HELZ: variants seen among roughly 807,000 people sequenced by gnomAD.
HELZ encodes the protein helicase with zinc finger.
A neutral mutation model predicts 218.2 loss-of-function variants in HELZ; 23 were observed. The ratio of observed to expected loss-of-function variants is 0.11; its 90% CI spans 0.08 to 0.15. HELZ has a LOEUF of 0.15. HELZ is among the 10% of genes least tolerant of loss of function. HELZ has a pLI of 1.00. For missense variants in HELZ, 1,813 were observed against 2,353.7 expected (o/e 0.77, Z 4.75); for synonymous variants, 814 against 829.4 (o/e 0.98, Z 0.32).
chr17:67,131,330 C>T lies in HELZ; in HGVS notation c.3183-2475G>A, dbSNP rs559443131. On this transcript the variant is annotated intron_variant, in intron 23 of 32. Transcript: ENST00000358691. ...CTATATCACCCTCACTGACCTTGAC[C>T]GCAATGAACAGAATTTGAAGTAACA... Among the ~76,000 whole-genome samples, 284 of 152,178 alleles carry T rather than the reference C, an allele frequency of 1.9e-3. 2 individuals are homozygous for T. The highest frequency in any genetic ancestry group is 6.6e-3 in the African/African-American group (275 of 41,514).
intron 24 of HELZ, among the ~76,000 whole-genome samples, 159 bp from the exon 25 acceptor site, chr17:67,124,173 A>C (rs992956047): frequency 1.3e-5 from 2 of 152,124 alleles, no homozygotes; most frequent in African/African-American, 4.8e-5. Flanking sequence ...CTTTGAGCCA[A>C]TTTTCTTTTT....
intron 17 of HELZ, among the ~76,000 whole-genome samples, chr17:67,153,692 C>G (rs1217899574): frequency 6.6e-6 from 1 of 152,204 alleles, no homozygotes; most frequent in African/African-American, 2.4e-5. Flanking sequence ...CCTTCACCCA[C>G]AGCAAAGCTG....
At chr17:67,159,208 T>C (rs893652614) in intron 17 of HELZ, among the ~76,000 whole-genome samples, 3 of 152,210 alleles carry the variant, frequency 2.0e-5, no homozygotes, top group Non-Finnish European at 2.9e-5. Context: ...GTGATAGTGA[T>C]TGTATATATG....
chr17:67,103,712 GCTGGCTTTTTTT>G (rs1011134058), intron 31 of HELZ, among the ~76,000 whole-genome samples: 1 of 152,108 alleles, frequency 6.6e-6, no homozygotes, highest in Non-Finnish European at 1.5e-5. Flanking sequence ...TTAAATGTCA[GCTGGCTTTTTTT>G]CTGAAGAAAT....
At chr17:67,149,731 T>C (rs1401660962) in intron 19 of HELZ, 136 bp downstream of exon 19, 2 of 472,538 alleles carry the variant, frequency 4.2e-6, no homozygotes, top group Non-Finnish European at 7.5e-6. Flanking sequence ...TATTTTTCAC[T>C]ATTAGTACAG....
At chr17:67,203,814 C>T (rs575414925) in intron 5 of HELZ, among the ~76,000 whole-genome samples, 2 of 152,220 alleles carry the variant, frequency 1.3e-5, no homozygotes, top group African/African-American at 4.8e-5. Flanking sequence ...GACTGGGTGC[C>T]ATTAAAATGA....
At chr17:67,189,797 A>C in intron 10 of HELZ, 101 bp from the exon 11 acceptor site, 1 of 773,330 alleles carries the variant, frequency 1.3e-6, no homozygotes, top group Admixed American at 2.1e-5. Context: ...ATGATGATGG[A>C]ACTGTTTACA....
chr17:67,138,333 A>T (rs181058702), intron 21 of HELZ, among the ~76,000 whole-genome samples: 29 of 152,326 alleles, frequency 1.9e-4, no homozygotes, highest in Middle Eastern at 3.4e-3. Flanking sequence ...TTCTCCAATA[A>T]TACAACCAGT....
chr17:67,240,971 C>T (rs1475743712), intron 2 of HELZ, among the ~76,000 whole-genome samples: 4 of 152,112 alleles, frequency 2.6e-5, no homozygotes, highest in Non-Finnish European at 5.9e-5. Flanking sequence ...GAGGAATATT[C>T]ACTTCTAACA....
rs956032405 is a variant in HELZ, at chr17:67,109,404, C to T, written c.4201G>A (p.Val1401Ile). 3.1e-6 allele frequency: 5 copies of T among 1,614,132 alleles called. No homozygotes were observed. The highest frequency in any genetic ancestry group is 2.2e-5 in the East Asian group (1 of 44,880). Residue 1401 changes from valine to isoleucine, a missense_variant, in exon 29 of 33, where the codon GTA (valine) becomes ATA (isoleucine). This residue lies in a region of HELZ where 938 missense variants were observed against 1,027.5 expected (regional missense o/e 0.91). Transcript: ENST00000358691. ...PNQIPPQPNQ[V>I]VQQQSQLNQQ... ...TTCAACTGACTTTGCTGCTGGACTA[C>T]CTGATTTGGCTGAGGTGGTATCTGA...
intron 3 of HELZ, among the ~76,000 whole-genome samples, chr17:67,234,653 G>T (rs916154152): frequency 1.3e-5 from 2 of 151,652 alleles, no homozygotes; most frequent in African/African-American, 4.8e-5. Context: ...GGGGAACATA[G>T]CAAGACCCCT....
chr17:67,100,802 G>T (rs902189931), intron 31 of HELZ, among the ~76,000 whole-genome samples: 1 of 152,082 alleles, frequency 6.6e-6, no homozygotes. Context: ...GAGAGAGAGA[G>T]AAAGAAAGAA....
chr17:67,205,649 A>G (rs967700148), intron 5 of HELZ, among the ~76,000 whole-genome samples: 4 of 152,204 alleles, frequency 2.6e-5, no homozygotes, highest in African/African-American at 7.2e-5. Flanking sequence ...GGAATGAAAA[A>G]GTCTAAGAGT....
chr17:67,189,549 A>G, intron 11 of HELZ, 40 bp downstream of exon 11: 1 of 1,323,292 alleles, frequency 7.6e-7, no homozygotes, highest in Non-Finnish European at 1.1e-6. Context: ...TCAGAAAATT[A>G]AACACAACTT....
chr17:67,222,634 C>T (rs2040777525), intron 3 of HELZ, among the ~76,000 whole-genome samples: 1 of 152,126 alleles, frequency 6.6e-6, no homozygotes, highest in Admixed American at 6.5e-5. Context: ...ACGCATGCTC[C>T]GTTCAGCTGT....
At chr17:67,239,347 C>G (rs1028810230) in intron 3 of HELZ, 86 bp downstream of exon 3, 1 of 152,340 alleles carries the variant, frequency 6.6e-6, no homozygotes, top group East Asian at 1.9e-4. Context: ...CACTACAGCC[C>G]TGTATCACTT....
chr17:67,194,950 C>T (rs778619789), intron 8 of HELZ, among the ~76,000 whole-genome samples: 2 of 152,130 alleles, frequency 1.3e-5, no homozygotes, highest in Non-Finnish European at 2.9e-5. Flanking sequence ...AAAGCCAATG[C>T]CCATAGTACA....
Position 67,075,015 on chromosome 17 carries a change from C to T in HELZ, c.*3237G>A, listed in dbSNP as rs962668997. 5 of 152,114 alleles carry T rather than the reference C, an allele frequency of 3.3e-5. No homozygotes were observed. Among genetic ancestry groups the T allele is most frequent in the Non-Finnish European group, 7.4e-5 (5 of 67,998 alleles). 9.4% of individuals were successfully genotyped at this position (152,114 alleles called of 1,614,324 possible). On this transcript the variant is annotated 3_prime_UTR_variant, in exon 33 of 33. Coordinates refer to ENST00000358691, the MANE Select transcript of HELZ (RefSeq NM_014877.4). ...CTGATTAATCAAAAACAAAGTTCTG[C>T]TATAACAATTTGGCAAAGCATATGC...
At chr17:67,163,175 G>T (rs1384513383) in intron 15 of HELZ, among the ~76,000 whole-genome samples, 1 of 152,114 alleles carries the variant, frequency 6.6e-6, no homozygotes, top group East Asian at 1.9e-4. Flanking sequence ...CTCAATTAAG[G>T]TTAGCTTGTT....
Sources: allele counts gnomAD v4.1 joint callset (sites outside exome capture counted in the v4.1 genomes callset), GRCh38; gene constraint gnomAD v4.1.1; regional missense constraint gnomAD v4.1.1; transcripts MANE v1.5; gene names NCBI Gene and HGNC (gene_info 2026-07-23, HGNC 2026-07-21).